NTNG1: variants seen among roughly 807,000 people sequenced by gnomAD.
The protein encoded by NTNG1 is netrin-G1.
Under a neutral mutation model 54.0 loss-of-function variants are expected in NTNG1, and 16 were observed. The observed-to-expected ratio is 0.30, with a 90% CI of 0.20 to 0.45. NTNG1 has a LOEUF of 0.45. Among genes scored for constraint, NTNG1 ranks in the 20% least tolerant of loss-of-function variants. The probability of loss-of-function intolerance (pLI) is 1.00; values close to 1 mark genes in which losing one functional copy is unlikely to be tolerated. For synonymous variants in NTNG1, 255 were observed against 263.1 expected (o/e 0.97, Z 0.30); for missense variants, 530 against 678.7 (o/e 0.78, Z 2.43).
intron 2 of NTNG1, among the ~76,000 whole-genome samples, chr1:107,200,426 A>G (rs781024077): frequency 2.0e-5 from 3 of 151,798 alleles, no homozygotes; most frequent in Non-Finnish European, 4.4e-5. Flanking sequence ...TCTCTTGATC[A>G]CAGTGTCTTG....
At chr1:107,152,293 C>T (rs146922283) in intron 2 of NTNG1, among the ~76,000 whole-genome samples, 6 of 152,118 alleles carry the variant, frequency 3.9e-5, no homozygotes, top group East Asian at 1.9e-4. Flanking sequence ...ACATTGAAAG[C>T]TTCAGGTGGC....
intron 2 of NTNG1, among the ~76,000 whole-genome samples, chr1:107,247,029 G>A (rs534966966): frequency 1.3e-5 from 2 of 152,234 alleles, no homozygotes; most frequent in East Asian, 1.9e-4. Flanking sequence ...TCGGAGATGA[G>A]GCTGTCTTCC....
At chr1:107,383,791 G>C (rs1052803818) in intron 3 of NTNG1, among the ~76,000 whole-genome samples, 6 of 152,158 alleles carry the variant, frequency 3.9e-5, no homozygotes, top group African/African-American at 1.4e-4. Context: ...CTGGTTACTT[G>C]AACGTTGTTC....
intron 2 of NTNG1, among the ~76,000 whole-genome samples, chr1:107,168,016 A>G (rs1386582648): frequency 6.6e-6 from 1 of 152,110 alleles, no homozygotes; most frequent in Non-Finnish European, 1.5e-5. Context: ...AATTGATACC[A>G]GAAGAGAACT....
chr1:107,263,387 A>G (rs1168597741), intron 2 of NTNG1, among the ~76,000 whole-genome samples: 1 of 147,860 alleles, frequency 6.8e-6, no homozygotes, highest in Non-Finnish European at 1.5e-5. Context: ...GCAGTTTTAC[A>G]CCTTTGAGGC....
chr1:107,402,279 A>G (rs1673091353), intron 4 of NTNG1, among the ~76,000 whole-genome samples: 2 of 152,148 alleles, frequency 1.3e-5, no homozygotes, highest in African/African-American at 4.8e-5. Flanking sequence ...TCGGGCTGAA[A>G]CATCCTGACC....
At chr1:107,335,003 C>A (rs1350638330) in intron 3 of NTNG1, among the ~76,000 whole-genome samples, 2 of 152,010 alleles carry the variant, frequency 1.3e-5, no homozygotes, top group Non-Finnish European at 2.9e-5. Flanking sequence ...CGCAAAGCTT[C>A]AGGCTTTAAC....
Position 107,481,068 on chromosome 1 carries a change from T to A in NTNG1, c.*228T>A. ...GAGGAGTTGGCAGCTGTTGATATTA[T>A]CACTGCAAATCACATTGCCAGCTGC... On this transcript the variant is annotated 3_prime_UTR_variant, in exon 8 of 8. Transcript: ENST00000370068. 1.9e-6 allele frequency: 1 copy of A among 514,876 alleles called. No homozygotes were observed. Among genetic ancestry groups the A allele is most frequent in the Non-Finnish European group, 3.5e-6 (1 of 288,440 alleles). 31.9% of individuals were successfully genotyped at this position (514,876 alleles called of 1,614,324 possible).
At chr1:107,381,888 T>C (rs1350047071) in intron 3 of NTNG1, among the ~76,000 whole-genome samples, 1 of 152,196 alleles carries the variant, frequency 6.6e-6, no homozygotes, top group Non-Finnish European at 1.5e-5. Context: ...GCCAAAATGA[T>C]GACCAGTTCC....
chr1:107,184,983 T>A (rs1657343691), intron 2 of NTNG1, among the ~76,000 whole-genome samples: 1 of 152,078 alleles, frequency 6.6e-6, no homozygotes, highest in Non-Finnish European at 1.5e-5. Context: ...TCATCTTGAG[T>A]TGAGGTGTCT....
intron 2 of NTNG1, among the ~76,000 whole-genome samples, chr1:107,257,052 C>T (rs959731123): frequency 2.0e-5 from 3 of 152,036 alleles, no homozygotes; most frequent in Non-Finnish European, 2.9e-5. Context: ...CCTCAACTAC[C>T]TGCTGGAAAT....
intron 5 of NTNG1, among the ~76,000 whole-genome samples, chr1:107,428,562 G>A (rs1675046847): frequency 6.6e-6 from 1 of 152,074 alleles, no homozygotes; most frequent in South Asian, 2.1e-4. Flanking sequence ...CAGCCAATAA[G>A]AGACCTCTTC....
At chr1:107,300,400 C>T (rs565167423) in intron 2 of NTNG1, among the ~76,000 whole-genome samples, 16 of 152,296 alleles carry the variant, frequency 1.1e-4, no homozygotes, top group African/African-American at 3.8e-4. Context: ...ACAGTAACAG[C>T]TGGAGCTGAG....
At chr1:107,453,420 A>G (rs150029284) in intron 7 of NTNG1, among the ~76,000 whole-genome samples, 1 of 152,344 alleles carries the variant, frequency 6.6e-6, no homozygotes, top group African/African-American at 2.4e-5. Context: ...TCATTTTAAG[A>G]GAAGACAGTA....
chr1:107,408,882 A>T (rs17018924), intron 5 of NTNG1: 1 of 152,136 alleles, frequency 6.6e-6, no homozygotes, highest in African/African-American at 2.4e-5. Flanking sequence ...TAATTTGGAT[A>T]AAGCAACTTC....
intron 2 of NTNG1, among the ~76,000 whole-genome samples, chr1:107,165,263 A>G (rs1301771818): frequency 6.6e-6 from 1 of 152,226 alleles, no homozygotes; most frequent in African/African-American, 2.4e-5. Flanking sequence ...GAATCAAAGA[A>G]TAAGAGAGCT....
rs369592981 is a variant in NTNG1, at chr1:107,179,233, T to A, written c.246+30394T>A. ...ATGAGTGTCCAGCTGGTTCTTTTATTCATTTATTATTATGCTGGAACTTGG... is the reference window on the plus strand; with the variant it reads ...ATGAGTGTCCAGCTGGTTCTTTTATACATTTATTATTATGCTGGAACTTGG... On this transcript the variant is annotated intron_variant, in intron 2 of 7. Coordinates refer to ENST00000370068, the MANE Select transcript of NTNG1 (RefSeq NM_001113226.3). 2.3e-3 allele frequency among the ~76,000 whole-genome samples: 345 copies of A among 152,312 alleles called. 3 individuals carry two copies. Among genetic ancestry groups the A allele is most frequent in the African/African-American group, 7.7e-3 (321 of 41,584 alleles).
chr1:107,238,574 CAG>C (rs1170790277), intron 2 of NTNG1, among the ~76,000 whole-genome samples: 1 of 152,148 alleles, frequency 6.6e-6, no homozygotes, highest in Non-Finnish European at 1.5e-5. Flanking sequence ...GGGAGAGACA[CAG>C]TGGGAGGTAA....
At chr1:107,289,732 C>T (rs1409178892) in intron 2 of NTNG1, among the ~76,000 whole-genome samples, 1 of 152,134 alleles carries the variant, frequency 6.6e-6, no homozygotes, top group East Asian at 1.9e-4. Context: ...GTGTATACTG[C>T]ATACAGCCTG....
Sources: gnomAD v4.1 joint callset for allele counts (sites outside exome capture counted in the v4.1 genomes callset) on GRCh38, gnomAD v4.1.1 for gene constraint, MANE v1.5 for transcripts, NCBI Gene and HGNC (gene_info 2026-07-23, HGNC 2026-07-21) for gene names.